SIPA1L3: variants seen among roughly 807,000 people sequenced by gnomAD.
SIPA1L3 encodes the protein signal induced proliferation associated 1 like 3, also known as signal-induced proliferation-associated 1-like protein 3.
A neutral mutation model predicts 150.1 loss-of-function variants in SIPA1L3; 59 were observed. The observed-to-expected ratio is 0.39, with a 90% confidence interval of 0.32 to 0.49. SIPA1L3 has a LOEUF of 0.49. SIPA1L3 is among the 20% of genes least tolerant of loss of function. The pLI, the probability that SIPA1L3 is intolerant of heterozygous loss-of-function variation, is 0.86. For synonymous variants in SIPA1L3, 1,070 were observed against 1,077.6 expected, an observed-to-expected ratio of 0.99 and a Z score of 0.14; for missense variants, 2,211 against 2,489.5, an observed-to-expected ratio of 0.89 and a Z score of 2.38.
At chr19:38,059,880 A>G (rs1407572085) in intron 2 of SIPA1L3, among the ~76,000 whole-genome samples, 1 of 152,134 alleles carries the variant, frequency 6.6e-6, no homozygotes, top group South Asian at 2.1e-4. Context: ...GGTTCAAGCA[A>G]TTCTCCTGCC....
intron 2 of SIPA1L3, among the ~76,000 whole-genome samples, chr19:38,042,499 G>C (rs1968949745): frequency 6.6e-6 from 1 of 152,108 alleles, no homozygotes; most frequent in Admixed American, 6.5e-5. Flanking sequence ...ATCACACTTG[G>C]AATTGTGAAT....
chr19:38,111,115 C>T (rs1056614321), intron 8 of SIPA1L3, among the ~76,000 whole-genome samples: 5 of 151,814 alleles, frequency 3.3e-5, no homozygotes. Context: ...CCTTGACCCC[C>T]CCGGGCTCAA....
chr19:38,089,186 C>T (rs936143039), intron 4 of SIPA1L3, among the ~76,000 whole-genome samples: 1 of 151,892 alleles, frequency 6.6e-6, no homozygotes, highest in African/African-American at 2.4e-5. Flanking sequence ...GGTGTGGTAG[C>T]ACGCGCCTGT....
At chr19:37,962,323 T>C (rs1229652550) in intron 1 of SIPA1L3, among the ~76,000 whole-genome samples, 1 of 152,064 alleles carries the variant, frequency 6.6e-6, no homozygotes, top group Non-Finnish European at 1.5e-5. Context: ...TTTGTATTTT[T>C]ACTAGAGATG....
intron 1 of SIPA1L3, among the ~76,000 whole-genome samples, chr19:37,997,322 C>T (rs1373935908): frequency 6.6e-6 from 1 of 151,826 alleles, no homozygotes; most frequent in Non-Finnish European, 1.5e-5. Context: ...AATCCCAGCA[C>T]TTTGGGAGGC....
At chr19:38,051,926 G>T (rs561249543) in intron 2 of SIPA1L3, among the ~76,000 whole-genome samples, 1 of 152,276 alleles carries the variant, frequency 6.6e-6, no homozygotes, top group Non-Finnish European at 1.5e-5. Flanking sequence ...GGAATTTCAG[G>T]CATTTACAGG....
chr19:38,009,152 A>C (rs1438344609), intron 1 of SIPA1L3, among the ~76,000 whole-genome samples: 1 of 151,912 alleles, frequency 6.6e-6, no homozygotes, highest in African/African-American at 2.4e-5. Flanking sequence ...CTCCTGCCTC[A>C]GTCTCCTGAG....
chr19:38,042,181 A>G lies in SIPA1L3; in HGVS notation c.-311+13025A>G, dbSNP rs1201738864. The stretch of plus-strand genomic sequence containing the variant: ...CTTTTCTGGGAGTTTTATGGTTTCA[A>G]ATCTTACATTTAGGTCTTTTATCCT... On this transcript the variant is annotated intron_variant, in intron 2 of 21. Transcript: ENST00000222345. 2.6e-5 allele frequency among the ~76,000 whole-genome samples: 4 copies of G among 152,266 alleles called. No individual in the cohort carries two copies. In the East Asian group the frequency reaches 7.7e-4, roughly 29 times the overall value.
rs369665571 is a variant in SIPA1L3 at position 38,093,911 on chromosome 19, A to G, written c.1665+5060A>G. Among the ~76,000 whole-genome samples, 6 of 152,160 alleles carry G rather than the reference A, an allele frequency of 3.9e-5. No homozygotes were observed. The East Asian group carries it at 5.8e-4, about 15-fold the overall frequency. On this transcript the variant is annotated intron_variant, in intron 4 of 21. Coordinates refer to ENST00000222345, the MANE Select transcript of SIPA1L3 (RefSeq NM_015073.3). ...CGCCAGGCCAGGGCTGCCCTGTCTC[A>G]GGTCCCTTTGGCACTGTCTCACCCA...
chr19:37,929,168 A>C (rs1280794268), intron 1 of SIPA1L3, among the ~76,000 whole-genome samples: 1 of 152,164 alleles, frequency 6.6e-6, no homozygotes, highest in Non-Finnish European at 1.5e-5. Context: ...AGGGCCAATT[A>C]GGATTGACCC....
In SIPA1L3 at chr19:38,142,465, C is replaced by A. The variant is rs1479971018; in HGVS notation, c.3396-108C>A. 2.7e-5 allele frequency: 35 copies of A among 1,277,920 alleles called. No homozygotes were observed. In the East Asian group the frequency reaches 7.4e-4, roughly 27 times the overall value. 79.2% of individuals were successfully genotyped at this position (1,277,920 alleles called of 1,614,324 possible). A position where few individuals can be genotyped will look rare whatever the true frequency, so the allele number is the denominator to read the frequency against. On this transcript the variant is annotated intron_variant, in intron 11 of 21. Transcript: ENST00000222345. ...CTGGGCGGGGGAAAGTTCGGTTGGTCTGTCTGTCTGTCCGTCTGTCCATCC... is the reference window on the plus strand; with the variant it reads ...CTGGGCGGGGGAAAGTTCGGTTGGTATGTCTGTCTGTCCGTCTGTCCATCC...
At chr19:38,183,643 C>A (rs1026876740) in intron 16 of SIPA1L3, among the ~76,000 whole-genome samples, 5 of 152,170 alleles carry the variant, frequency 3.3e-5, no homozygotes, top group African/African-American at 1.2e-4. Context: ...GTGGAGAGGT[C>A]AGGCTGGAGG....
chr19:38,095,983 C>G (rs888132759), intron 4 of SIPA1L3, among the ~76,000 whole-genome samples: 1 of 152,178 alleles, frequency 6.6e-6, no homozygotes, highest in African/African-American at 2.4e-5. Context: ...CCCAGATTGA[C>G]AGGGCAAAGC....
intron 2 of SIPA1L3, among the ~76,000 whole-genome samples, chr19:38,055,301 G>A (rs2145768412): frequency 6.6e-6 from 1 of 152,322 alleles, no homozygotes; most frequent in East Asian, 1.9e-4. Context: ...GGGGTGCAGG[G>A]ACAGGGAGCA....
chr19:37,910,167 C>T (rs1027663122), intron 1 of SIPA1L3, among the ~76,000 whole-genome samples: 1 of 152,116 alleles, frequency 6.6e-6, no homozygotes, highest in South Asian at 2.1e-4. Context: ...ATATTTCAAA[C>T]ATAGTCTTAG....
chr19:38,109,010 A>G (rs1470700012), intron 7 of SIPA1L3, among the ~76,000 whole-genome samples: 1 of 152,174 alleles, frequency 6.6e-6, no homozygotes, highest in Non-Finnish European at 1.5e-5. Context: ...AGAAAAAAGA[A>G]AAAGAACAAT....
At chr19:38,028,406 A>G (rs1247481278) in intron 1 of SIPA1L3, among the ~76,000 whole-genome samples, 1 of 152,014 alleles carries the variant, frequency 6.6e-6, no homozygotes, top group African/African-American at 2.4e-5. Flanking sequence ...GCCCTCTGGA[A>G]GGCTCTTTCC....
At chr19:37,980,995 A>G (rs952710323) in intron 1 of SIPA1L3, among the ~76,000 whole-genome samples, 11 of 152,184 alleles carry the variant, frequency 7.2e-5, no homozygotes, top group African/African-American at 2.7e-4. Flanking sequence ...AGTGCCAAAT[A>G]CAGGCTTTGT....
At chr19:38,003,832 G>A (rs1967870340) in intron 1 of SIPA1L3, among the ~76,000 whole-genome samples, 1 of 152,192 alleles carries the variant, frequency 6.6e-6, no homozygotes, top group Non-Finnish European at 1.5e-5. Flanking sequence ...ATGAGCTCAT[G>A]AGGGCTTCCT....
Sources: gnomAD v4.1 joint callset for allele counts (sites outside exome capture counted in the v4.1 genomes callset) on GRCh38, gnomAD v4.1.1 for gene constraint, MANE v1.5 for transcripts, NCBI Gene and HGNC (gene_info 2026-07-23, HGNC 2026-07-21) for gene names.